VXN: variants seen among roughly 807,000 people sequenced by gnomAD.
VXN encodes uncharacterized protein C8orf46.
VXN carries 7 observed loss-of-function variants against 23.1 expected under a neutral mutation model. That is an observed-to-expected ratio of 0.30 (90% CI 0.17 to 0.57). The LOEUF is 0.57. Among genes scored for constraint, VXN ranks in the 20% least tolerant of loss-of-function variants. The pLI, the probability that VXN is intolerant of heterozygous loss-of-function variation, is 0.91. For synonymous variants in VXN, 120 were observed against 105.8 expected (o/e 1.13, Z -0.83); for missense variants, 238 against 272.6 (o/e 0.87, Z 0.89).
intron 1 of VXN, chr8:66,494,676 C>T (rs1807606068): frequency 6.6e-6 from 1 of 152,180 alleles, no homozygotes; most frequent in South Asian, 2.1e-4. Flanking sequence ...ACATTTACTG[C>T]CAGATCCAGA....
chr8:66,514,245 G>A (rs990396068), intron 5 of VXN: 9 of 152,232 alleles, frequency 5.9e-5, no homozygotes, highest in Non-Finnish European at 7.3e-5. Flanking sequence ...CAGAAAAGGC[G>A]TTTCAGGGTG....
At chr8:66,510,622 AAAC>A (rs1199824359) in intron 4 of VXN, among the ~76,000 whole-genome samples, 2 of 152,192 alleles carry the variant, frequency 1.3e-5, no homozygotes, top group African/African-American at 2.4e-5. Flanking sequence ...TGGGTGGCTA[AAAC>A]AACAATTTCT....
chr8:66,497,943 G>A (rs1252554530), intron 2 of VXN, among the ~76,000 whole-genome samples: 1 of 151,954 alleles, frequency 6.6e-6, no homozygotes, highest in Non-Finnish European at 1.5e-5. Context: ...TGAGGTGGGC[G>A]GATCACCCGA....
At chr8:66,495,483 A>G (rs557043767) in intron 1 of VXN, among the ~76,000 whole-genome samples, 1 of 152,366 alleles carries the variant, frequency 6.6e-6, no homozygotes, top group African/African-American at 2.4e-5. Flanking sequence ...AAATATATAA[A>G]GCATCTAGAA....
intron 3 of VXN, among the ~76,000 whole-genome samples, chr8:66,508,531 T>C (rs1237083276): frequency 1.3e-5 from 2 of 152,026 alleles, no homozygotes; most frequent in Admixed American, 1.3e-4. Context: ...GAGCTGGGGG[T>C]AGTTCTGTGA....
chr8:66,497,869 C>CA (rs747888482), intron 2 of VXN, among the ~76,000 whole-genome samples: 15 of 151,450 alleles, frequency 9.9e-5, no homozygotes, highest in African/African-American at 3.6e-4. Flanking sequence ...ACAAAAAAGT[C>CA]AAAAAATTAG....
chr8:66,498,225 T>C (rs1376844717), intron 2 of VXN, among the ~76,000 whole-genome samples: 1 of 151,602 alleles, frequency 6.6e-6, no homozygotes, highest in South Asian at 2.1e-4. Context: ...TCCTAGCTAC[T>C]TGGGAGGCTG....
intron 2 of VXN, among the ~76,000 whole-genome samples, chr8:66,502,288 T>C: frequency 6.6e-6 from 1 of 152,190 alleles, no homozygotes; most frequent in East Asian, 1.9e-4. Context: ...ATGAGTCAGT[T>C]AAGCCTTCTG....
At chr8:66,501,478 G>T (rs1467775300) in intron 2 of VXN, among the ~76,000 whole-genome samples, 1 of 152,176 alleles carries the variant, frequency 6.6e-6, no homozygotes, top group Non-Finnish European at 1.5e-5. Flanking sequence ...AGCAATGGGT[G>T]AGGTGTTCTC....
intron 3 of VXN, among the ~76,000 whole-genome samples, chr8:66,507,952 G>A (rs1462547158): frequency 6.6e-6 from 1 of 152,150 alleles, no homozygotes; most frequent in Non-Finnish European, 1.5e-5. Context: ...ATGCTCTGGG[G>A]AATCCTGGGA....
At chr8:66,500,355 G>A (rs1298840270) in intron 2 of VXN, among the ~76,000 whole-genome samples, 1 of 152,114 alleles carries the variant, frequency 6.6e-6, no homozygotes, top group East Asian at 1.9e-4. Context: ...ATACTGTGTG[G>A]CATCAATGTT....
chr8:66,503,449 G>A (rs144951116), intron 2 of VXN: 1 of 152,330 alleles, frequency 6.6e-6, no homozygotes, highest in East Asian at 1.9e-4. Context: ...AAAGACGTCA[G>A]CAGATGGGAT....
chr8:66,504,007 A>G lies in VXN; in HGVS notation c.127-1368A>G, dbSNP rs564063783. ...CTGGCATCCTTTGGTGGGCTGGAGA[A>G]GAGGAGGCACTGTCCCCAGTCGCGA... On this transcript the variant is annotated intron_variant, in intron 2 of 5. Coordinates refer to ENST00000305454, the MANE Select transcript of VXN (RefSeq NM_152765.4). 3.4e-4 allele frequency among the ~76,000 whole-genome samples: 52 copies of G among 152,312 alleles called. 1 individual carries two copies. Among genetic ancestry groups the G allele is most frequent in the African/African-American group, 1.1e-3 (47 of 41,574 alleles).
intron 1 of VXN, 97 bp from the exon 2 acceptor site, chr8:66,496,340 C>A: frequency 8.6e-7 from 1 of 1,158,312 alleles, no homozygotes; most frequent in Non-Finnish European, 1.3e-6. Context: ...TATGCCCCTG[C>A]CTCGCCACAG....
intron 4 of VXN, 123 bp downstream of exon 4, chr8:66,510,280 A>G (rs911199496): frequency 1.5e-5 from 12 of 814,626 alleles, no homozygotes; most frequent in Non-Finnish European, 2.3e-5. Flanking sequence ...ATTATTAGAA[A>G]AGCATAACTG....
intron 4 of VXN, among the ~76,000 whole-genome samples, chr8:66,512,336 G>A (rs576425381): frequency 1.3e-5 from 2 of 152,306 alleles, no homozygotes; most frequent in East Asian, 1.9e-4. Flanking sequence ...TGGCATAATG[G>A]GAAGGAAGCG....
At chr8:66,513,460 C>A (rs572171297) in intron 4 of VXN, 80 bp from the exon 5 acceptor site, 2 of 1,164,242 alleles carry the variant, frequency 1.7e-6, no homozygotes, top group African/African-American at 1.5e-5. Context: ...TTCAGTCCCC[C>A]CACTTGCAGA....
In VXN at chr8:66,517,532, T is replaced by C. The variant is rs1807911233; in HGVS notation, c.*1456T>C. ...AATAAATGATTTTCATCCCAAACACTAAACATGATTGATGGGTAGAGGCTG... is the reference window on the plus strand; with the variant it reads ...AATAAATGATTTTCATCCCAAACACCAAACATGATTGATGGGTAGAGGCTG... On this transcript the variant is annotated 3_prime_UTR_variant, in exon 6 of 6. Coordinates refer to ENST00000305454, the MANE Select transcript of VXN (RefSeq NM_152765.4). 1 of 152,178 alleles carries C rather than the reference T, an allele frequency of 6.6e-6. No individual in the cohort carries two copies. The highest frequency in any genetic ancestry group is 6.5e-5 in the Admixed American group (1 of 15,282). 9.4% of individuals were successfully genotyped at this position (152,178 alleles called of 1,614,324 possible).
At chr8:66,499,863 T>C (rs1481273384) in intron 2 of VXN, among the ~76,000 whole-genome samples, 1 of 152,122 alleles carries the variant, frequency 6.6e-6, no homozygotes, top group Non-Finnish European at 1.5e-5. Flanking sequence ...ACCTTATTCT[T>C]CTTTTATATA....
Sources: gnomAD v4.1 joint callset for allele counts (sites outside exome capture counted in the v4.1 genomes callset) on GRCh38, gnomAD v4.1.1 for gene constraint, MANE v1.5 for transcripts, NCBI Gene and HGNC (gene_info 2026-07-23, HGNC 2026-07-21) for gene names.